Variants in FOXK1 observed in about 807,000 individuals in gnomAD.
The protein encoded by FOXK1 is forkhead box protein K1.
A neutral mutation model predicts 51.9 loss-of-function variants in FOXK1; 19 were observed. The ratio of observed to expected loss-of-function variants is 0.37; its 90% CI spans 0.26 to 0.54. The LOEUF is 0.54. FOXK1 is among the 20% of genes least tolerant of loss of function. FOXK1 has a pLI of 0.87. For missense variants in FOXK1, 870 were observed against 1,032.7 expected (o/e 0.84, Z 2.16); for synonymous variants, 537 against 482.6 (o/e 1.11, Z -1.48).
chr7:4,698,782 G>C (rs1272482714), intron 1 of FOXK1, among the ~76,000 whole-genome samples: 1 of 151,770 alleles, frequency 6.6e-6, no homozygotes, highest in African/African-American at 2.4e-5. Flanking sequence ...TCAAACTCCT[G>C]AGCTCAGGTG....
rs770027556 is a variant in FOXK1 at position 4,759,210 on chromosome 7, C to T, written c.1404C>T (p.Ser468=). The part of the protein sequence containing the change: ...ASVPEYRYSQ[S]APGSPVSAQP... ...TCCCAGAGTACCGGTATTCCCAAAG[C>T]GCACCCGGTAAGGAGCGGGCGGCCC... The change falls in exon 6 of 9, where the codon AGC becomes AGT. Residue 468 remains serine, a synonymous_variant. Transcript: ENST00000328914. The T allele has an allele frequency of 3.1e-6, 5 of 1,612,176 alleles. No homozygotes were observed. Among genetic ancestry groups the T allele is most frequent in the South Asian group, 2.2e-5 (2 of 91,088 alleles).
rs750885684 is a variant in FOXK1 at position 4,761,166 on chromosome 7, C to G, written c.1799C>G (p.Thr600Arg). 7.4e-6 allele frequency: 12 copies of G among 1,612,700 alleles called. 1 individual carries two copies. In the South Asian group the frequency reaches 1.2e-4, roughly 16 times the overall value. The change falls in exon 8 of 9, where the codon ACG (threonine) becomes AGG (arginine). Residue 600 changes from threonine (T) to arginine (R), a missense_variant. By Grantham distance (71) the Thr-to-Arg change is moderately conservative (BLOSUM62 -1). Coordinates refer to ENST00000328914, the MANE Select transcript of FOXK1 (RefSeq NM_001037165.2). This position sits in a 1 kb window ranked among gnomAD's most constrained non-coding sequence, Gnocchi z 6.2. ...SQMAPGVPGH[T>R]VTILQPATPV... ...ATGGCCCCCGGGGTCCCCGGACACA[C>G]GGTCACCATCCTGCAGCCCGCCACA...
intron 2 of FOXK1, among the ~76,000 whole-genome samples, chr7:4,744,178 C>T (rs1780671659): frequency 7.0e-6 from 1 of 142,572 alleles, no homozygotes; most frequent in African/African-American, 3.1e-5. Context: ...AGTAAAGTCG[C>T]TTTTATTACA....
At chr7:4,720,816 T>C (rs951911137) in intron 1 of FOXK1, among the ~76,000 whole-genome samples, 2 of 151,768 alleles carry the variant, frequency 1.3e-5, no homozygotes, top group Non-Finnish European at 2.9e-5. Flanking sequence ...CCTCCTGGGT[T>C]CAAGCGATTC....
At chr7:4,741,503 G>A (rs1340383698) in intron 2 of FOXK1, among the ~76,000 whole-genome samples, 4 of 152,066 alleles carry the variant, frequency 2.6e-5, no homozygotes, top group Admixed American at 2.0e-4. Context: ...TAAATTTTTT[G>A]TATTTTTAGT....
intron 6 of FOXK1, 22 bp downstream of exon 6, chr7:4,759,239 T>TGCGGG (rs762977413): frequency 1.6e-4 from 209 of 1,318,318 alleles, no homozygotes; most frequent in African/African-American, 1.5e-3. Context: ...GCGGCCCTCT[T>TGCGGG]GCGGGGCGGG....
intron 1 of FOXK1, among the ~76,000 whole-genome samples, chr7:4,701,283 T>A (rs894653576): frequency 6.6e-5 from 10 of 152,208 alleles, no homozygotes; most frequent in African/African-American, 2.4e-4. Context: ...ACTCAGGTTT[T>A]ACCTTGAATT....
rs1286498828 is a variant in FOXK1, at chr7:4,756,500, T to C, written c.1051-494T>C. Among the ~76,000 whole-genome samples the C allele has an allele frequency of 6.6e-6, 1 of 150,498 alleles. No homozygotes were observed. The highest frequency in any genetic ancestry group is 1.5e-5 in the Non-Finnish European group (1 of 67,718). On this transcript the variant is annotated intron_variant, in intron 4 of 8. Transcript: ENST00000328914. This position sits in a 1 kb window ranked among gnomAD's most constrained non-coding sequence, Gnocchi z 4.1. ...TCACTTTTTCTGTAAAGAATGGTAA[T>C]GGCAGCCAGGCACAGTAGCTCATGC...
rs1314031948 is a variant in FOXK1 at position 4,735,614 on chromosome 7, C to T, written c.561-5224C>T. Among the ~76,000 whole-genome samples, 2 of 152,200 alleles carry T rather than the reference C, an allele frequency of 1.3e-5. No individual in the cohort carries two copies. Among genetic ancestry groups the T allele is most frequent in the Non-Finnish European group, 2.9e-5 (2 of 68,042 alleles). On this transcript the variant is annotated intron_variant, in intron 1 of 8. Coordinates refer to ENST00000328914, the MANE Select transcript of FOXK1 (RefSeq NM_001037165.2). This position sits in a 1 kb window ranked among gnomAD's most constrained non-coding sequence, Gnocchi z 4.7. Reference sequence around the variant, plus strand: ...GATGTCCTCCACAGATGGGCACTTGCTCGTACAGGAACCTTTCCGCCGGGC... The same window carrying T: ...GATGTCCTCCACAGATGGGCACTTGTTCGTACAGGAACCTTTCCGCCGGGC...
In FOXK1 at chr7:4,743,038, G is replaced by A. The variant is rs954714583; in HGVS notation, c.746+2015G>A. 1.3e-5 allele frequency among the ~76,000 whole-genome samples: 2 copies of A among 152,168 alleles called. No homozygotes were observed. The highest frequency in any genetic ancestry group is 2.1e-4 in the South Asian group (1 of 4,826). On this transcript the variant is annotated intron_variant, in intron 2 of 8. Transcript: ENST00000328914. The surrounding 1 kb of genome is among the most constrained non-coding windows in gnomAD (Gnocchi z 5.3). The stretch of plus-strand genomic sequence containing the variant: ...GGTCACTTCAGCCCCCCACCTTCCC[G>A]GGCCCGGTTCCCGTCTGAGTCAGTG...
Position 4,735,184 on chromosome 7 carries a change from G to A in FOXK1, c.561-5654G>A, listed in dbSNP as rs1780536862. The stretch of plus-strand genomic sequence containing the variant: ...AGTTCCAGCTCGCTGTGTAGAGACG[G>A]CTCTGTGGTCTGAGGCTGAGCCAGG... On this transcript the variant is annotated intron_variant, in intron 1 of 8. Transcript: ENST00000328914. The surrounding 1 kb of genome is among the most constrained non-coding windows in gnomAD (Gnocchi z 4.7). Among the ~76,000 whole-genome samples, 2 of 152,080 alleles carry A rather than the reference G, an allele frequency of 1.3e-5. No individual in the cohort carries two copies. Among genetic ancestry groups the A allele is most frequent in the African/African-American group, 4.8e-5 (2 of 41,410 alleles).
intron 1 of FOXK1, among the ~76,000 whole-genome samples, chr7:4,738,895 T>A (rs1177786294): frequency 1.3e-5 from 2 of 152,116 alleles, no homozygotes; most frequent in Non-Finnish European, 2.9e-5. Flanking sequence ...AGCAGACCTA[T>A]GGGAGGAGCC....
intron 1 of FOXK1, among the ~76,000 whole-genome samples, chr7:4,739,095 G>A (rs181295574): frequency 2.6e-5 from 4 of 152,286 alleles, no homozygotes; most frequent in African/African-American, 9.6e-5. Flanking sequence ...GCACGTCCAT[G>A]CAGGATTTTA....
In FOXK1 at chr7:4,707,968, C is replaced by G. The variant is rs959623648; in HGVS notation, c.560+25100C>G. Among the ~76,000 whole-genome samples the G allele has an allele frequency of 2.0e-5, 3 of 152,134 alleles. No homozygotes were observed. Among genetic ancestry groups the G allele is most frequent in the Non-Finnish European group, 4.4e-5 (3 of 68,020 alleles). ...AAAGTGCTGGGATTACACCCATGAGCCACTGCGCTCAGCCTGTTTTCACCT... is the reference window on the plus strand; with the variant it reads ...AAAGTGCTGGGATTACACCCATGAGGCACTGCGCTCAGCCTGTTTTCACCT... On this transcript the variant is annotated intron_variant, in intron 1 of 8. Coordinates refer to ENST00000328914, the MANE Select transcript of FOXK1 (RefSeq NM_001037165.2). The surrounding 1 kb of genome is among the most constrained non-coding windows in gnomAD (Gnocchi z 4.1).
Position 4,757,275 on chromosome 7 carries a change from G to C in FOXK1, c.1244+88G>C. The C allele has an allele frequency of 3.4e-6, 4 of 1,185,818 alleles. No individual in the cohort carries two copies. The South Asian group carries it at 5.8e-5, about 17-fold the overall frequency. The allele number at this position is 1,185,818 out of a possible 1,614,324, so 73.5% of individuals were successfully genotyped here. ...AGATACGTGGCGCAGTCAGCCCTCC[G>C]GATCTGTGGGCTCAGGCTCAGTGTA... On this transcript the variant is annotated intron_variant, in intron 5 of 8. Coordinates refer to ENST00000328914, the MANE Select transcript of FOXK1 (RefSeq NM_001037165.2).
At chr7:4,744,557 T>C (rs1233455326) in intron 2 of FOXK1, among the ~76,000 whole-genome samples, 1 of 152,260 alleles carries the variant, frequency 6.6e-6, no homozygotes, top group Non-Finnish European at 1.5e-5. Context: ...TCCAGCTCCA[T>C]CGCGTTGCTG....
At chr7:4,693,599 G>A (rs947503052) in intron 1 of FOXK1, among the ~76,000 whole-genome samples, 2 of 152,194 alleles carry the variant, frequency 1.3e-5, no homozygotes, top group Non-Finnish European at 2.9e-5. Context: ...GCCGCTCTCT[G>A]ATGGTGCCCT....
At chr7:4,704,676 C>T (rs56358956) in intron 1 of FOXK1, among the ~76,000 whole-genome samples, 12,143 of 151,922 alleles carry the variant, frequency 0.08, 1,497 homozygotes, top group African/African-American at 0.27. Flanking sequence ...GTGACAGCAG[C>T]GTCAGGCTGT....
rs1780441226 is a variant in FOXK1, at chr7:4,730,748, G to A, written c.561-10090G>A. 6.6e-6 allele frequency among the ~76,000 whole-genome samples: 1 copy of A among 152,188 alleles called. No individual in the cohort carries two copies. Among genetic ancestry groups the A allele is most frequent in the Admixed American group, 6.5e-5 (1 of 15,274 alleles). ...CCTATGGCTGCAGCCACCTGTGTTC[G>A]TTTTGGGGTTGTCATAAATAAATGC... On this transcript the variant is annotated intron_variant, in intron 1 of 8. Coordinates refer to ENST00000328914, the MANE Select transcript of FOXK1 (RefSeq NM_001037165.2). This position sits in a 1 kb window ranked among gnomAD's most constrained non-coding sequence, Gnocchi z 4.7.
Sources: gnomAD v4.1 joint callset for allele counts (sites outside exome capture counted in the v4.1 genomes callset) on GRCh38, gnomAD v4.1.1 for gene constraint, Gnocchi (gnomAD v3.1) non-coding constraint, MANE v1.5 for transcripts, NCBI Gene and HGNC (gene_info 2026-07-23, HGNC 2026-07-21) for gene names.